Variants in CCSER1 observed in about 807,000 individuals in gnomAD.
CCSER1 encodes the protein serine-rich coiled-coil domain-containing protein 1.
Under a neutral mutation model 82.0 loss-of-function variants are expected in CCSER1, and 41 were observed. The observed-to-expected ratio is 0.50, with a 90% CI of 0.39 to 0.65. The LOEUF is 0.65. CCSER1 is among the 30% of genes least tolerant of loss of function. The pLI is 0.00. For missense variants in CCSER1, 1,119 were observed against 1,064.2 expected (o/e 1.05, Z -0.72); for synonymous variants, 414 against 383.9 (o/e 1.08, Z -0.92).
chr4:90,933,774 A>G (rs1297919695), intron 9 of CCSER1, among the ~76,000 whole-genome samples: 3 of 152,002 alleles, frequency 2.0e-5, no homozygotes, highest in Non-Finnish European at 4.4e-5. Flanking sequence ...ACAAGTACAT[A>G]TACATGTCTT....
chr4:90,748,180 TC>T (rs1400100214), intron 7 of CCSER1, among the ~76,000 whole-genome samples: 38 of 66,716 alleles, frequency 5.7e-4, no homozygotes, highest in African/African-American at 8.7e-4. Flanking sequence ...ATGCTATCCC[TC>T]CCCCCTCCCC....
intron 10 of CCSER1, among the ~76,000 whole-genome samples, chr4:91,422,689 G>A (rs3950254): frequency 0.65 from 99,095 of 151,886 alleles, 32,943 homozygotes; most frequent in East Asian, 0.82. Context: ...CCTTAATTTT[G>A]TATAAAAAAG....
intron 10 of CCSER1, among the ~76,000 whole-genome samples, chr4:91,198,434 A>C (rs61004131): frequency 0.03 from 4,574 of 152,268 alleles, 230 homozygotes; most frequent in African/African-American, 0.1. Flanking sequence ...CAAAACATAA[A>C]GATTAAAAAA....
chr4:90,757,105 T>G (rs1450043878), intron 7 of CCSER1, among the ~76,000 whole-genome samples: 1 of 152,228 alleles, frequency 6.6e-6, no homozygotes, highest in Non-Finnish European at 1.5e-5. Context: ...GTCTCACTTT[T>G]GAAATGGAAT....
At chr4:90,925,403 G>A (rs777813876) in intron 9 of CCSER1, among the ~76,000 whole-genome samples, 4 of 152,044 alleles carry the variant, frequency 2.6e-5, no homozygotes, top group Non-Finnish European at 5.9e-5. Context: ...TTTATTTAAA[G>A]AAACAATGTT....
At chr4:91,463,182 G>A (rs1756615505) in intron 10 of CCSER1, among the ~76,000 whole-genome samples, 1 of 152,184 alleles carries the variant, frequency 6.6e-6, no homozygotes, top group Admixed American at 6.5e-5. Flanking sequence ...TGATCAGGCA[G>A]CAACATTTGC....
intron 5 of CCSER1, among the ~76,000 whole-genome samples, chr4:90,621,477 T>TC (rs1485160758): frequency 4.6e-5 from 7 of 151,746 alleles, no homozygotes; most frequent in African/African-American, 1.7e-4. Flanking sequence ...TTTTTTTTTT[T>TC]CATCTTTATA....
chr4:90,262,746 T>C (rs1297634164), intron 1 of CCSER1, among the ~76,000 whole-genome samples: 1 of 152,120 alleles, frequency 6.6e-6, no homozygotes, highest in Non-Finnish European at 1.5e-5. Flanking sequence ...GCCAGGCCAG[T>C]AGGAAATCTG....
intron 4 of CCSER1, among the ~76,000 whole-genome samples, chr4:90,447,203 C>CT (rs1578507488): frequency 6.6e-6 from 1 of 152,054 alleles, no homozygotes; most frequent in African/African-American, 2.4e-5. Context: ...GAAAATGGTC[C>CT]TTTTTTGTAT....
At chr4:90,736,019 A>G (rs1745581214) in intron 7 of CCSER1, among the ~76,000 whole-genome samples, 1 of 152,110 alleles carries the variant, frequency 6.6e-6, no homozygotes, top group Non-Finnish European at 1.5e-5. Flanking sequence ...AGTTTCCAAA[A>G]TTCATTGTGT....
intron 8 of CCSER1, among the ~76,000 whole-genome samples, chr4:90,824,190 A>T (rs955774404): frequency 6.6e-6 from 1 of 152,008 alleles, no homozygotes; most frequent in Non-Finnish European, 1.5e-5. Flanking sequence ...CTGTGTTCTC[A>T]CTCAAAGCAA....
intron 8 of CCSER1, among the ~76,000 whole-genome samples, chr4:90,841,311 G>A (rs1438917454): frequency 6.6e-6 from 1 of 152,114 alleles, no homozygotes; most frequent in Non-Finnish European, 1.5e-5. Flanking sequence ...AGGCACAGTG[G>A]CTCACGCCTG....
rs73834572 is a variant in CCSER1, at chr4:90,864,019, A to G, written c.2094+48174A>G. On this transcript the variant is annotated intron_variant, in intron 8 of 10. Coordinates refer to ENST00000509176, the MANE Select transcript of CCSER1 (RefSeq NM_001145065.2). ...ATTTTATTTTATTTTATTTTATTTT[A>G]CCACCATGAGCTGTGCTCTAATATC... Among the ~76,000 whole-genome samples, 841 of 142,408 alleles carry G rather than the reference A, an allele frequency of 5.9e-3. 16 individuals are homozygous for G. Among genetic ancestry groups the G allele is most frequent in the African/African-American group, 0.021 (805 of 38,090 alleles). 93.4% of individuals were successfully genotyped at this position (142,408 alleles called of 152,430 possible). A position where few individuals can be genotyped will look rare whatever the true frequency, so the allele number is the denominator to read the frequency against.
intron 10 of CCSER1, among the ~76,000 whole-genome samples, chr4:91,139,197 T>C (rs28576193): frequency 0.69 from 104,491 of 152,044 alleles, 36,975 homozygotes; most frequent in Non-Finnish European, 0.78. Context: ...TCCATGTTGC[T>C]GTAAGGTACA....
chr4:91,164,890 C>T (rs370447892), intron 10 of CCSER1, among the ~76,000 whole-genome samples: 6 of 152,266 alleles, frequency 3.9e-5, no homozygotes, highest in African/African-American at 7.2e-5. Context: ...TCCTTTAGCT[C>T]GAAGAAGTTT....
Position 91,598,827 on chromosome 4 carries a change from G to A in CCSER1, c.2473G>A (p.Val825Ile), listed in dbSNP as rs1035029014. 5.2e-6 allele frequency: 8 copies of A among 1,551,500 alleles called. No homozygotes were observed. The highest frequency in any genetic ancestry group is 1.7e-6 in the Non-Finnish European group (2 of 1,146,932). The change falls in exon 11 of 11, where the codon GTT becomes ATT. Residue 825 changes from valine (V) to isoleucine (I), a missense_variant. Val to Ile is a conservative substitution (Grantham distance 29). Transcript: ENST00000509176. ...SDVTQNLRAT[V>I]GQSSLKPTAK... ...CGTTACACAGAACTTACGGGCCACC[G>A]TTGGGCAGAGCTCTCTGAAGCCAAC...
Position 91,228,427 on chromosome 4 carries a change from A to G in CCSER1, c.2217+142433A>G, listed in dbSNP as rs377040639. On this transcript the variant is annotated intron_variant, in intron 10 of 10. Transcript: ENST00000509176. ...TTCAATTTCTTGCATAAGTTATACC[A>G]ACATTAAATTTTACAGAAATGCAGA... Among the ~76,000 whole-genome samples, 20 of 152,130 alleles carry G rather than the reference A, an allele frequency of 1.3e-4. No homozygotes were observed. The East Asian group carries it at 3.1e-3, about 23-fold the overall frequency.
chr4:90,345,549 G>C (rs932326355), intron 3 of CCSER1, among the ~76,000 whole-genome samples: 2 of 152,024 alleles, frequency 1.3e-5, no homozygotes, highest in African/African-American at 4.8e-5. Context: ...TATGCAGTAT[G>C]AAAACTCTTA....
chr4:90,238,507 G>T (rs1356481571), intron 1 of CCSER1, among the ~76,000 whole-genome samples: 2 of 152,106 alleles, frequency 1.3e-5, no homozygotes, highest in Non-Finnish European at 1.5e-5. Flanking sequence ...GAAATATTTT[G>T]CTTAGGATGC....
Sources: allele counts gnomAD v4.1 joint callset (sites outside exome capture counted in the v4.1 genomes callset), GRCh38; gene constraint gnomAD v4.1.1; transcripts MANE v1.5; gene names NCBI Gene and HGNC (gene_info 2026-07-23, HGNC 2026-07-21).